The following RUNX2 variants were observed in gnomAD, a reference collection of about 807,000 sequenced individuals.
RUNX2 encodes runt-related transcription factor 2.
In RUNX2, 10 loss-of-function variants were observed where a neutral mutation model predicts 51.7. The observed-to-expected ratio is 0.19, with a 90% CI of 0.12 to 0.33. RUNX2 has a LOEUF of 0.33. RUNX2 is among the 10% of genes least tolerant of loss of function. The pLI, the probability that RUNX2 is intolerant of heterozygous loss-of-function variation, is 1.00. For missense variants in RUNX2, 562 were observed against 691.3 expected (o/e 0.81, Z 2.10); for synonymous variants, 276 against 273.6 (o/e 1.01, Z -0.09).
chr6:45,416,678 G>T (rs1201639251), intron 2 of RUNX2, among the ~76,000 whole-genome samples: 1 of 152,206 alleles, frequency 6.6e-6, no homozygotes, highest in Admixed American at 6.5e-5. Flanking sequence ...CCTGGGTAAT[G>T]AATTAGGCTC....
At chr6:45,519,893 T>C (rs1369889392) in intron 7 of RUNX2, among the ~76,000 whole-genome samples, 1 of 151,420 alleles carries the variant, frequency 6.6e-6, no homozygotes, top group Non-Finnish European at 1.5e-5. Context: ...AATGGCATGA[T>C]CTCGGCTCAT....
At chr6:45,336,777 T>C (rs1399004962) in intron 2 of RUNX2, among the ~76,000 whole-genome samples, 1 of 151,530 alleles carries the variant, frequency 6.6e-6, no homozygotes, top group Non-Finnish European at 1.5e-5. Context: ...TTTTCTATAA[T>C]ATAACTTCAT....
chr6:45,465,493 A>G (rs1799603059), intron 5 of RUNX2, among the ~76,000 whole-genome samples: 1 of 152,042 alleles, frequency 6.6e-6, no homozygotes, highest in Non-Finnish European at 1.5e-5. Context: ...CTGAACAAGT[A>G]TAAACTTTTC....
rs556346894 is a variant in RUNX2, at chr6:45,512,472, G to A, written c.1021+65G>A. 14 of 1,556,600 alleles carry A rather than the reference G, an allele frequency of 9.0e-6. No homozygotes were observed. In the African/African-American group the frequency reaches 1.5e-4, roughly 17 times the overall value. The stretch of plus-strand genomic sequence containing the variant: ...GGGGTCGGGGGGAGTGGGATGGGCT[G>A]AGCCTGTCTCATCCATGCTCACAGT... On this transcript the variant is annotated intron_variant, in intron 7 of 8. Coordinates refer to ENST00000647337, the MANE Select transcript of RUNX2 (RefSeq NM_001024630.4).
intron 7 of RUNX2, among the ~76,000 whole-genome samples, chr6:45,544,178 A>G (rs1339884958): frequency 6.6e-6 from 1 of 152,146 alleles, no homozygotes; most frequent in African/African-American, 2.4e-5. Context: ...AATGCCTAGA[A>G]GTGATTGGTT....
At chr6:45,395,035 A>C (rs1797552725) in intron 2 of RUNX2, among the ~76,000 whole-genome samples, 1 of 152,158 alleles carries the variant, frequency 6.6e-6, no homozygotes, top group African/African-American at 2.4e-5. Flanking sequence ...CCACAAGCTT[A>C]GTCTCCAGCG....
At chr6:45,502,615 G>A (rs559241413) in intron 6 of RUNX2, among the ~76,000 whole-genome samples, 154 of 152,260 alleles carry the variant, frequency 1.0e-3, no homozygotes, top group African/African-American at 3.3e-3. Flanking sequence ...CAGCTGATGT[G>A]TGGAGGCAGC....
intron 2 of RUNX2, among the ~76,000 whole-genome samples, chr6:45,403,321 C>T (rs1269650614): frequency 6.6e-6 from 1 of 150,932 alleles, no homozygotes; most frequent in East Asian, 1.9e-4. Flanking sequence ...GCAAACTCCG[C>T]CTCCCAGGTT....
At chr6:45,523,450 T>C (rs1801569674) in intron 7 of RUNX2, among the ~76,000 whole-genome samples, 1 of 151,774 alleles carries the variant, frequency 6.6e-6, no homozygotes, top group South Asian at 2.1e-4. Context: ...CAAAAATTAT[T>C]AGTAGAGACG....
intron 6 of RUNX2, among the ~76,000 whole-genome samples, chr6:45,497,119 T>C (rs564178391): frequency 2.6e-5 from 4 of 152,330 alleles, no homozygotes; most frequent in African/African-American, 4.8e-5. Context: ...ACTCCTACAG[T>C]AGCTTGTAAA....
chr6:45,372,087 G>A (rs1796147239), intron 2 of RUNX2: 2 of 921,632 alleles, frequency 2.2e-6, no homozygotes, highest in African/African-American at 1.8e-5. Flanking sequence ...ACAGTGAACT[G>A]TGTTGTGAAA....
chr6:45,439,878 CAG>C (rs1798794046), intron 5 of RUNX2, among the ~76,000 whole-genome samples: 1 of 151,968 alleles, frequency 6.6e-6, no homozygotes, highest in South Asian at 2.1e-4. Context: ...TACCTTATTT[CAG>C]AGAGGTTTTT....
intron 2 of RUNX2, among the ~76,000 whole-genome samples, chr6:45,344,680 G>A (rs746541843): frequency 2.0e-5 from 3 of 152,032 alleles, no homozygotes; most frequent in Non-Finnish European, 2.9e-5. Context: ...TAGGTAAAGT[G>A]TATAAACTAG....
intron 7 of RUNX2, among the ~76,000 whole-genome samples, chr6:45,536,901 T>G (rs372016995): frequency 1.3e-5 from 2 of 152,228 alleles, no homozygotes; most frequent in African/African-American, 4.8e-5. Context: ...TGGCTGGACC[T>G]GCAGCTGGGT....
intron 7 of RUNX2, among the ~76,000 whole-genome samples, chr6:45,523,663 G>A (rs1277313522): frequency 1.3e-5 from 2 of 151,962 alleles, no homozygotes; most frequent in Admixed American, 1.3e-4. Flanking sequence ...AGGCTGGTGC[G>A]GTGGCTCACG....
At chr6:45,440,851 T>C (rs966357458) in intron 5 of RUNX2, among the ~76,000 whole-genome samples, 1 of 152,196 alleles carries the variant, frequency 6.6e-6, no homozygotes, top group Admixed American at 6.5e-5. Context: ...ATTTTCTACT[T>C]GTGGCATCAT....
At chr6:45,355,087 A>G (rs888767310) in intron 2 of RUNX2, among the ~76,000 whole-genome samples, 1 of 149,056 alleles carries the variant, frequency 6.7e-6, no homozygotes, top group African/African-American at 2.5e-5. Context: ...CAATCCTTCC[A>G]CCTCAGCCTC....
At chr6:45,333,526 A>AT (rs889876958) in intron 2 of RUNX2, among the ~76,000 whole-genome samples, 1 of 151,574 alleles carries the variant, frequency 6.6e-6, no homozygotes, top group Non-Finnish European at 1.5e-5. Flanking sequence ...TGTAAGCAAC[A>AT]TGTTATCAAA....
At chr6:45,539,007 C>A (rs536412581) in intron 7 of RUNX2, among the ~76,000 whole-genome samples, 34 of 152,224 alleles carry the variant, frequency 2.2e-4, no homozygotes, top group South Asian at 4.2e-4. Flanking sequence ...GCAGGAAGAT[C>A]TCTCTCATTT....
Sources: allele counts gnomAD v4.1 joint callset (sites outside exome capture counted in the v4.1 genomes callset), GRCh38; gene constraint gnomAD v4.1.1; transcripts MANE v1.5; gene names NCBI Gene and HGNC (gene_info 2026-07-23, HGNC 2026-07-21).